OR9Q1: variants seen among roughly 807,000 people sequenced by gnomAD.
The protein encoded by OR9Q1 is olfactory receptor 9Q1.
For synonymous variants in OR9Q1, 153 were observed against 148.6 expected (o/e 1.03, Z -0.22); for missense variants, 374 against 378.8 (o/e 0.99, Z 0.11).
chr11:58,129,373 A>G (rs1854119266), intron 2 of OR9Q1, among the ~76,000 whole-genome samples: 1 of 152,030 alleles, frequency 6.6e-6, no homozygotes, highest in African/African-American at 2.4e-5. Context: ...TTGCCTCTCT[A>G]TAATCCATTT....
At chr11:58,158,742 G>A (rs1412036726) in intron 2 of OR9Q1, among the ~76,000 whole-genome samples, 1 of 152,130 alleles carries the variant, frequency 6.6e-6, no homozygotes, top group Non-Finnish European at 1.5e-5. Flanking sequence ...ATTTGGAATT[G>A]GAACTATGAA....
intron 2 of OR9Q1, among the ~76,000 whole-genome samples, chr11:58,177,996 T>C (rs931639612): frequency 2.7e-4 from 41 of 152,156 alleles, no homozygotes; most frequent in African/African-American, 9.4e-4. Context: ...GGGTTTGTCC[T>C]GTTGAAAGTG....
chr11:58,031,525 G>C (rs1853038665), intron 1 of OR9Q1: 1 of 1,614,098 alleles, frequency 6.2e-7, no homozygotes, highest in Non-Finnish European at 8.5e-7. Flanking sequence ...TGCTAGCCTT[G>C]TCGTGCTCAG....
intron 2 of OR9Q1, among the ~76,000 whole-genome samples, chr11:58,164,974 T>G (rs898520570): frequency 6.6e-6 from 1 of 152,202 alleles, no homozygotes; most frequent in African/African-American, 2.4e-5. Context: ...TTATTACCTT[T>G]TAATGAGGCT....
chr11:58,083,705 TCGAA>T (rs967892615), intron 2 of OR9Q1, among the ~76,000 whole-genome samples: 2 of 151,492 alleles, frequency 1.3e-5, no homozygotes, highest in Non-Finnish European at 2.9e-5. Context: ...GCACCATTTA[TCGAA>T]CAGGGAATCT....
intron 2 of OR9Q1, chr11:58,077,593 C>T (rs1443438484): frequency 6.6e-6 from 1 of 152,130 alleles, no homozygotes; most frequent in Non-Finnish European, 1.5e-5. Flanking sequence ...TTGGCTTTGC[C>T]ACTCGATGAT....
intron 1 of OR9Q1, chr11:58,031,971 T>A (rs1404527325): frequency 1.1e-6 from 1 of 895,590 alleles, no homozygotes; most frequent in Non-Finnish European, 1.7e-6. Flanking sequence ...CAATAACATT[T>A]AAGCTGAGAC....
At chr11:58,159,005 T>C (rs1854434150) in intron 2 of OR9Q1, among the ~76,000 whole-genome samples, 2 of 152,238 alleles carry the variant, frequency 1.3e-5, no homozygotes, top group South Asian at 2.1e-4. Context: ...TGTGAGATTC[T>C]TTCCAGTCCT....
At position 58,180,138 on chromosome 11, in the gene OR9Q1, A is replaced by C. The variant is rs1854649441; in HGVS notation, c.694A>C (p.Ser232Arg). 1 of 1,614,016 alleles carries C rather than the reference A, an allele frequency of 6.2e-7. No homozygotes were observed. The highest frequency in any genetic ancestry group is 1.7e-5 in the Admixed American group (1 of 60,012). ...GGCCATCATGGGGATCCCTGCTGGA[A>C]GCCAGGCCAAGACCTTCTCCACCTG... ...IVAIMGIPAG[S>R]QAKTFSTCTS... is the part of the protein sequence containing the mutation. The change falls in exon 3 of 3, where the codon AGC becomes CGC. Residue 232 changes from serine to arginine, a missense_variant. Transcript: ENST00000335397.
Position 58,131,790 on chromosome 11 carries a change from C to T in OR9Q1, c.-14-47641C>T, listed in dbSNP as rs539132989. 3.9e-5 allele frequency among the ~76,000 whole-genome samples: 6 copies of T among 152,198 alleles called. No individual in the cohort carries two copies. In the East Asian group the frequency reaches 1.2e-3, roughly 29 times the overall value. On this transcript the variant is annotated intron_variant, in intron 2 of 2. Coordinates refer to ENST00000335397, the MANE Select transcript of OR9Q1 (RefSeq NM_001005212.4). Reference sequence around the variant, plus strand: ...TCACGAGCTGTCCAATGAGGAGTCTCAATACTTTTCAGGGTATTGGGGTGG... The same window carrying T: ...TCACGAGCTGTCCAATGAGGAGTCTTAATACTTTTCAGGGTATTGGGGTGG...
chr11:58,038,369 G>A (rs1007413295), intron 1 of OR9Q1, among the ~76,000 whole-genome samples: 1 of 152,144 alleles, frequency 6.6e-6, no homozygotes, highest in East Asian at 1.9e-4. Flanking sequence ...TTTGTAAATA[G>A]GGAGTTTCTA....
chr11:58,139,431 C>T lies in OR9Q1; in HGVS notation c.-14-40000C>T, dbSNP rs552515430. ...TATATCTCCTAATGCTATCCCTCCC[C>T]GCTCCCCCCACCCCACAACAGTCCC... On this transcript the variant is annotated intron_variant, in intron 2 of 2. Coordinates refer to ENST00000335397, the MANE Select transcript of OR9Q1 (RefSeq NM_001005212.4). Among the ~76,000 whole-genome samples the T allele has an allele frequency of 1.4e-3, 215 of 152,094 alleles. 1 individual carries two copies. The highest frequency in any genetic ancestry group is 4.7e-3 in the African/African-American group (196 of 41,506).
At position 58,108,020 on chromosome 11, in the gene OR9Q1, G is replaced by A. The variant is rs188999325; in HGVS notation, c.-15+52073G>A. ...GTAATTGTCATGAGGCAGGCACTGT[G>A]TTTAGGAGGAGAAAAAAAGAAATTG... On this transcript the variant is annotated intron_variant, in intron 2 of 2. Transcript: ENST00000335397. 1.4e-4 allele frequency among the ~76,000 whole-genome samples: 22 copies of A among 152,210 alleles called. No individual in the cohort carries two copies. In the East Asian group the frequency reaches 4.1e-3, roughly 28 times the overall value.
intron 2 of OR9Q1, among the ~76,000 whole-genome samples, chr11:58,078,931 C>A (rs1853564618): frequency 6.6e-6 from 1 of 152,212 alleles, no homozygotes; most frequent in Non-Finnish European, 1.5e-5. Context: ...ATTCACCTTA[C>A]AAGTGATGAA....
At chr11:58,174,471 A>G (rs1401914883) in intron 2 of OR9Q1, among the ~76,000 whole-genome samples, 1 of 152,032 alleles carries the variant, frequency 6.6e-6, no homozygotes, top group African/African-American at 2.4e-5. Flanking sequence ...ACAAGAGCTA[A>G]CTAAGTACCC....
At chr11:58,098,809 C>T (rs995068219) in intron 2 of OR9Q1, among the ~76,000 whole-genome samples, 6 of 152,138 alleles carry the variant, frequency 3.9e-5, no homozygotes, top group Admixed American at 3.3e-4. Flanking sequence ...AAGCTTGGAT[C>T]ATTGATTCTA....
At chr11:58,164,287 TAAG>T (rs1310939481) in intron 2 of OR9Q1, among the ~76,000 whole-genome samples, 1 of 151,976 alleles carries the variant, frequency 6.6e-6, no homozygotes, top group Non-Finnish European at 1.5e-5. Flanking sequence ...GAGGAGTTAA[TAAG>T]AAAAACGGAT....
At chr11:58,123,229 T>C (rs1590603412) in intron 2 of OR9Q1, among the ~76,000 whole-genome samples, 1 of 152,348 alleles carries the variant, frequency 6.6e-6, no homozygotes, top group Middle Eastern at 3.4e-3. Flanking sequence ...ATTTGTTTTG[T>C]TGTCTCCCTC....
chr11:58,146,290 T>C (rs574883337), intron 2 of OR9Q1, among the ~76,000 whole-genome samples: 78 of 152,324 alleles, frequency 5.1e-4, no homozygotes, highest in African/African-American at 1.8e-3. Flanking sequence ...GGACATTTAC[T>C]CTATTGTCAG....
Sources: allele counts gnomAD v4.1 joint callset (sites outside exome capture counted in the v4.1 genomes callset), GRCh38; gene constraint gnomAD v4.1.1; transcripts MANE v1.5; gene names NCBI Gene and HGNC (gene_info 2026-07-23, HGNC 2026-07-21).